Variants in CCDC30 observed in about 807,000 individuals in gnomAD.
The protein encoded by CCDC30 is coiled-coil domain-containing protein 30.
Under a neutral mutation model 100.2 loss-of-function variants are expected in CCDC30, and 70 were observed. The ratio of observed to expected loss-of-function variants is 0.70; its 90% confidence interval spans 0.58 to 0.85. CCDC30 has a LOEUF of 0.85. CCDC30 is among the 40% of genes least tolerant of loss of function. The pLI, the probability that CCDC30 is intolerant of heterozygous loss-of-function variation, is 0.00. For synonymous variants in CCDC30, 233 were observed against 269.5 expected, an observed-to-expected ratio of 0.86 and a Z score of 1.33; for missense variants, 652 against 771.2, an observed-to-expected ratio of 0.85 and a Z score of 1.83.
intron 1 of CCDC30, among the ~76,000 whole-genome samples, chr1:42,465,203 C>G (rs1379083795): frequency 6.6e-6 from 1 of 152,144 alleles, no homozygotes; most frequent in African/African-American, 2.4e-5. Flanking sequence ...CCTGGCTACT[C>G]TGGAGGCTGA....
At chr1:42,481,723 T>C (rs1384408233) in intron 2 of CCDC30, among the ~76,000 whole-genome samples, 1 of 152,212 alleles carries the variant, frequency 6.6e-6, no homozygotes, top group East Asian at 1.9e-4. Context: ...GAATTTAATG[T>C]TTTTGATCTA....
rs536554719 is a variant in CCDC30, at chr1:42,638,916, G to GA, written c.1419+1548dup. Among the ~76,000 whole-genome samples, 49 of 146,116 alleles carry GA rather than the reference G, an allele frequency of 3.4e-4. 1 individual carries two copies. Among genetic ancestry groups the GA allele is most frequent in the African/African-American group, 1.1e-3 (44 of 39,824 alleles). On this transcript the variant is annotated intron_variant, in intron 12 of 16. Coordinates refer to ENST00000668663, the Ensembl canonical transcript of CCDC30. ...TAAATAAAGAGTAAGAGAAAGAAAG[G>GA]AAAAAAAAAAGTAGCAACCCTAGTT...
intron 9 of CCDC30, among the ~76,000 whole-genome samples, chr1:42,586,188 T>C (rs1271973843): frequency 7.2e-5 from 11 of 152,148 alleles, no homozygotes. Context: ...GAGGACCACT[T>C]TGAGGAAGTG....
At position 42,611,045 on chromosome 1, in the gene CCDC30, G is replaced by T. The variant is rs933242001; in HGVS notation, c.1232G>T (p.Arg411Leu). The T allele has an allele frequency of 2.5e-6, 4 of 1,612,926 alleles. No individual in the cohort carries two copies. Among genetic ancestry groups the T allele is most frequent in the Non-Finnish European group, 3.4e-6 (4 of 1,178,958 alleles). Residue 411 changes from arginine (R) to leucine (L), a missense_variant, in exon 11 of 17, where the codon CGT (arginine) becomes CTT (leucine). Coordinates refer to ENST00000668663, the Ensembl canonical transcript of CCDC30. ...CTACAGCAAGAGAAGGAAGCTCTAC[G>T]TGAAGAATATTTGCGATTATTGAAG...
the CCDC30 span, chr1:42,457,215 G>A: frequency 3.1e-6 from 5 of 1,613,462 alleles, no homozygotes; most frequent in Admixed American, 3.3e-5. Flanking sequence ...GTACCTCGCC[G>A]ATTTGTTAAC....
intron 11 of CCDC30, among the ~76,000 whole-genome samples, chr1:42,620,447 A>G (rs1646809132): frequency 6.6e-6 from 1 of 152,184 alleles, no homozygotes; most frequent in African/African-American, 2.4e-5. Context: ...GAACTGTACA[A>G]TATTTGAGGA....
At chr1:42,631,216 T>C (rs575336125) in intron 11 of CCDC30, among the ~76,000 whole-genome samples, 1 of 152,342 alleles carries the variant, frequency 6.6e-6, no homozygotes, top group African/African-American at 2.4e-5. Flanking sequence ...TGCAGATTGG[T>C]AGAGGTACTG....
At chr1:42,480,334 C>T (rs995628948) in intron 1 of CCDC30, 127 bp from the exon 2 acceptor site, 2 of 151,930 alleles carry the variant, frequency 1.3e-5, no homozygotes, top group African/African-American at 2.4e-5. Flanking sequence ...TAATTTGTTA[C>T]TGGTATTTTA....
intron 7 of CCDC30, among the ~76,000 whole-genome samples, chr1:42,567,203 A>C (rs1299437987): frequency 5.9e-5 from 9 of 152,190 alleles, no homozygotes; most frequent in Admixed American, 5.9e-4. Flanking sequence ...AAACTTTGGC[A>C]TGTAGGTCAA....
intron 4 of CCDC30, among the ~76,000 whole-genome samples, chr1:42,496,867 T>A (rs1245198461): frequency 6.6e-6 from 1 of 152,224 alleles, no homozygotes; most frequent in East Asian, 1.9e-4. Flanking sequence ...ATTGGTCTGG[T>A]GTGAGTAATA....
intron 6 of CCDC30, among the ~76,000 whole-genome samples, 155 bp from the exon 7 acceptor site, chr1:42,536,321 G>T (rs1569953192): frequency 6.6e-6 from 1 of 152,128 alleles, no homozygotes; most frequent in East Asian, 1.9e-4. Flanking sequence ...AAGGCTTAGA[G>T]AGAAAAATGT....
At chr1:42,555,641 A>G (rs1035250967) in intron 6 of CCDC30, among the ~76,000 whole-genome samples, 5 of 152,134 alleles carry the variant, frequency 3.3e-5, no homozygotes, top group African/African-American at 1.2e-4. Context: ...GTGATGGGTC[A>G]TCTCCCTGAA....
At chr1:42,458,702 A>G (rs1266482923), upstream of CCDC30, among the ~76,000 whole-genome samples, 1 of 152,180 alleles carries the variant, frequency 6.6e-6, no homozygotes, top group Non-Finnish European at 1.5e-5. Context: ...ACGCTTTTTA[A>G]TCTCTGGGAT....
chr1:42,459,888 C>G (rs1187767807), upstream of CCDC30: 7 of 1,613,006 alleles, frequency 4.3e-6, no homozygotes, highest in African/African-American at 8.0e-5. Context: ...GGATAATCTT[C>G]AGTCTCGACA....
intron 1 of CCDC30, among the ~76,000 whole-genome samples, chr1:42,474,020 A>C (rs1386102918): frequency 2.0e-5 from 3 of 152,022 alleles, no homozygotes; most frequent in African/African-American, 7.3e-5. Flanking sequence ...AATACTCATC[A>C]ACATACTTTC....
chr1:42,517,009 A>G (rs1020515830), intron 6 of CCDC30, among the ~76,000 whole-genome samples: 2 of 152,180 alleles, frequency 1.3e-5, no homozygotes, highest in East Asian at 3.8e-4. Flanking sequence ...CTAGATGTTA[A>G]TATTCCTTAT....
At chr1:42,566,600 T>C (rs1645612004) in intron 7 of CCDC30, 125 bp downstream of exon 11, 2 of 722,970 alleles carry the variant, frequency 2.8e-6, no homozygotes, top group Non-Finnish European at 4.4e-6. Flanking sequence ...GTGAGCTATC[T>C]GGTAACTTCC....
intron 3 of CCDC30, among the ~76,000 whole-genome samples, chr1:42,483,558 A>G (rs1465289203): frequency 8.5e-5 from 13 of 152,102 alleles, no homozygotes; most frequent in Non-Finnish European, 1.6e-4. Flanking sequence ...TTTTATGTTG[A>G]GTGTATAGTG....
At chr1:42,578,232 A>T (rs1195618461) in intron 8 of CCDC30, among the ~76,000 whole-genome samples, 3 of 151,868 alleles carry the variant, frequency 2.0e-5, no homozygotes, top group Non-Finnish European at 4.4e-5. Flanking sequence ...GAATTAAACT[A>T]AAAAAATCTA....
Sources: allele counts gnomAD v4.1 joint callset (sites outside exome capture counted in the v4.1 genomes callset), GRCh38; gene constraint gnomAD v4.1.1; transcripts MANE v1.5; gene names NCBI Gene and HGNC (gene_info 2026-07-23, HGNC 2026-07-21).